SPIRE1: variants seen among roughly 807,000 people sequenced by gnomAD.
SPIRE1 encodes spire type actin nucleation factor 1, also known as protein spire homolog 1.
Under a neutral mutation model 94.1 loss-of-function variants are expected in SPIRE1, and 40 were observed. The observed-to-expected ratio is 0.43, with a 90% CI of 0.33 to 0.55. The LOEUF is 0.55. SPIRE1 is among the 20% of genes least tolerant of loss of function. SPIRE1 has a pLI of 0.06. For synonymous variants in SPIRE1, 376 were observed against 371.7 expected (o/e 1.01, Z -0.13); for missense variants, 838 against 975.2 (o/e 0.86, Z 1.87).
chr18:12,589,674 C>T (rs143996576), intron 2 of SPIRE1, among the ~76,000 whole-genome samples: 2,975 of 152,218 alleles, frequency 0.02, 58 homozygotes, highest in Middle Eastern at 0.082. Flanking sequence ...AAAAGCCCAA[C>T]CTGAGAAGAA....
intron 2 of SPIRE1, among the ~76,000 whole-genome samples, chr18:12,587,176 C>G (rs1342068379): frequency 6.6e-6 from 1 of 152,184 alleles, no homozygotes; most frequent in Non-Finnish European, 1.5e-5. Flanking sequence ...AAGTAGGTGG[C>G]ACCAACACCT....
In SPIRE1 at chr18:12,515,528, A is replaced by G. The variant is rs1598428655; in HGVS notation, c.730-2997T>C. Among the ~76,000 whole-genome samples the G allele has an allele frequency of 2.0e-5, 3 of 152,170 alleles. No individual in the cohort carries two copies. In the South Asian group the frequency reaches 6.2e-4, roughly 32 times the overall value. ...AGAAACCCTGTCTCAAAAAAATAAA[A>G]CAAAATATTAATAAAACAACAGATA... On this transcript the variant is annotated intron_variant, in intron 4 of 16. Coordinates refer to ENST00000409402, the MANE Select transcript of SPIRE1 (RefSeq NM_001128626.2).
intron 3 of SPIRE1, among the ~76,000 whole-genome samples, chr18:12,539,526 C>T (rs768861017): frequency 1.7e-4 from 26 of 151,664 alleles, no homozygotes; most frequent in Admixed American, 2.6e-4. Flanking sequence ...GTCAACATCC[C>T]GTTCCTCTCA....
At chr18:12,584,440 A>G (rs1387178244) in intron 2 of SPIRE1, among the ~76,000 whole-genome samples, 2 of 152,168 alleles carry the variant, frequency 1.3e-5, no homozygotes, top group Non-Finnish European at 2.9e-5. Context: ...AAGAAAAAAA[A>G]AAGAAAAATG....
At chr18:12,658,422 C>T (rs1038490295), upstream of SPIRE1, 6 of 399,666 alleles carry the variant, frequency 1.5e-5, no homozygotes, top group Admixed American at 5.5e-5. Context: ...GGGGGACACG[C>T]GGGGCCGGGC....
intron 6 of SPIRE1, among the ~76,000 whole-genome samples, chr18:12,501,605 A>G (rs1443571937): frequency 1.3e-5 from 2 of 152,228 alleles, no homozygotes; most frequent in East Asian, 3.9e-4. Context: ...GATGGTCTCA[A>G]TCTCTTGACC....
chr18:12,512,341 C>T (rs561591982), intron 5 of SPIRE1, 113 bp downstream of exon 5: 28 of 693,904 alleles, frequency 4.0e-5, no homozygotes, highest in East Asian at 3.1e-4. Context: ...GAGCTGAGAT[C>T]GCACCATTGC....
chr18:12,544,311 T>C (rs1389967175), intron 3 of SPIRE1, among the ~76,000 whole-genome samples: 3 of 151,854 alleles, frequency 2.0e-5, no homozygotes, highest in African/African-American at 4.8e-5. Context: ...GAGATTCTCA[T>C]GCCTCAGCCT....
intron 4 of SPIRE1, chr18:12,516,018 A>G (rs2034183705): frequency 6.6e-6 from 1 of 152,176 alleles, no homozygotes; most frequent in South Asian, 2.1e-4. Context: ...AGCTTAATCC[A>G]CAGCATGAAA....
chr18:12,587,660 A>T (rs1432329871), intron 2 of SPIRE1, among the ~76,000 whole-genome samples: 2 of 152,162 alleles, frequency 1.3e-5, no homozygotes, highest in African/African-American at 4.8e-5. Context: ...CAACTCTACA[A>T]GTGACACATA....
At chr18:12,539,329 G>A (rs2034938467) in intron 3 of SPIRE1, among the ~76,000 whole-genome samples, 1 of 152,040 alleles carries the variant, frequency 6.6e-6, no homozygotes, top group Non-Finnish European at 1.5e-5. Flanking sequence ...GAGTTTCCCT[G>A]CACAAGCTCT....
chr18:12,450,400 T>C (rs2031175403), intron 16 of SPIRE1: 1 of 411,236 alleles, frequency 2.4e-6, no homozygotes, highest in African/African-American at 2.1e-5. Context: ...AGAAAACATG[T>C]CTTATTAAGA....
At chr18:12,521,133 G>GT (rs903512538) in intron 4 of SPIRE1, among the ~76,000 whole-genome samples, 6 of 152,124 alleles carry the variant, frequency 3.9e-5, no homozygotes, top group South Asian at 2.1e-4. Flanking sequence ...AGAAAACACT[G>GT]TTTTTCCCCC....
At chr18:12,577,965 C>G (rs191866842) in intron 2 of SPIRE1, among the ~76,000 whole-genome samples, 1 of 152,300 alleles carries the variant, frequency 6.6e-6, no homozygotes. Flanking sequence ...AAATGCTATA[C>G]TTCACTAGTC....
chr18:12,593,715 C>T (rs1051476404), intron 2 of SPIRE1, among the ~76,000 whole-genome samples: 7 of 152,012 alleles, frequency 4.6e-5, no homozygotes, highest in East Asian at 3.9e-4. Flanking sequence ...TTTGGGAGGC[C>T]GAGGCGGGCG....
chr18:12,485,215 C>T (rs1414972383), intron 9 of SPIRE1, among the ~76,000 whole-genome samples: 1 of 151,868 alleles, frequency 6.6e-6, no homozygotes, highest in African/African-American at 2.4e-5. Flanking sequence ...AGCAATTCTC[C>T]TGCCTCAGCC....
chr18:12,495,240 T>G (rs1043622582), intron 7 of SPIRE1, among the ~76,000 whole-genome samples: 28 of 152,090 alleles, frequency 1.8e-4, no homozygotes, highest in Admixed American at 1.8e-3. Context: ...AAAAAAGAAA[T>G]AAGGAACAGA....
At chr18:12,549,443 T>G (rs2035278422) in intron 2 of SPIRE1, among the ~76,000 whole-genome samples, 9 of 83,478 alleles carry the variant, frequency 1.1e-4, no homozygotes, top group South Asian at 4.1e-4. Flanking sequence ...ATTGTTGTTT[T>G]TTTTTTTTTT....
chr18:12,650,792 T>C (rs527732141), intron 1 of SPIRE1, among the ~76,000 whole-genome samples: 62 of 151,218 alleles, frequency 4.1e-4, no homozygotes, highest in Middle Eastern at 3.4e-3. Context: ...GGTGGGAGGA[T>C]TGCTTGAATC....
Sources: gnomAD v4.1 joint callset for allele counts (sites outside exome capture counted in the v4.1 genomes callset) on GRCh38, gnomAD v4.1.1 for gene constraint, MANE v1.5 for transcripts, NCBI Gene and HGNC (gene_info 2026-07-23, HGNC 2026-07-21) for gene names.